Variants in RASA2 observed in about 807,000 individuals in gnomAD.
RASA2 encodes the protein ras GTPase-activating protein 2.
A neutral mutation model predicts 118.2 loss-of-function variants in RASA2; 155 were observed. The ratio of observed to expected loss-of-function variants is 1.31; its 90% CI spans 1.15 to 1.50. The LOEUF is 1.50. Among genes scored for constraint, RASA2 ranks in the 40% most tolerant of loss-of-function variants. The pLI is 0.00. For synonymous variants in RASA2, 353 were observed against 349.1 expected, an observed-to-expected ratio of 1.01 and a Z score of -0.12; for missense variants, 1,016 against 1,009.6, an observed-to-expected ratio of 1.01 and a Z score of -0.09.
At position 141,586,168 on chromosome 3, in the gene RASA2, G is replaced by A. The variant is rs2107776331; in HGVS notation, c.1826+70G>A. ...TATTAAGTAAGTACAAAGAGCGTGG[G>A]TCTAAGAGTGAGGAGATCTGGCTTT... On this transcript the variant is annotated intron_variant, in intron 18 of 23. Transcript: ENST00000286364. 2.2e-6 allele frequency: 3 copies of A among 1,375,258 alleles called. No individual in the cohort carries two copies. In the South Asian group the frequency reaches 3.9e-5, roughly 18 times the overall value. The allele number at this position is 1,375,258 out of a possible 1,614,324, so 85.2% of individuals were successfully genotyped here.
intron 5 of RASA2, among the ~76,000 whole-genome samples, chr3:141,541,623 C>T (rs1336676255): frequency 6.6e-6 from 1 of 151,974 alleles, no homozygotes; most frequent in East Asian, 1.9e-4. Flanking sequence ...TTTTAATCTG[C>T]AGTTATTATA....
rs77104165 is a variant in RASA2 at position 141,546,595 on chromosome 3, G to A, written c.527+5986G>A. On this transcript the variant is annotated intron_variant, in intron 5 of 23. Transcript: ENST00000286364. Reference sequence around the variant, plus strand: ...CCTTACATATTCTGGTTATTAATCCGTTCTCAGATGGTTAGTTAGCAAATA... The same window carrying A: ...CCTTACATATTCTGGTTATTAATCCATTCTCAGATGGTTAGTTAGCAAATA... Among the ~76,000 whole-genome samples the A allele has an allele frequency of 3.3e-3, 508 of 152,186 alleles. 6 individuals carry two copies. The South Asian group carries it at 0.049, about 15-fold the overall frequency.
At chr3:141,526,951 T>C (rs1482533368) in intron 3 of RASA2, among the ~76,000 whole-genome samples, 1 of 152,192 alleles carries the variant, frequency 6.6e-6, no homozygotes, top group Non-Finnish European at 1.5e-5. Context: ...GATTCTCTTT[T>C]GGGAAGGCAC....
chr3:141,568,595 A>G (rs1321085954), intron 9 of RASA2, among the ~76,000 whole-genome samples: 1 of 152,042 alleles, frequency 6.6e-6, no homozygotes, highest in African/African-American at 2.4e-5. Flanking sequence ...ATCGTTATCT[A>G]TTTGTCTATG....
chr3:141,580,069 G>GAAA lies in RASA2; in HGVS notation c.1591-284_1591-282dup, dbSNP rs1165547118. ...AGACTCCATCTCAGGAAAAAAAAAA[G>GAAA]AAAAAAAAAAAAAAAAATATATATA... is the stretch of plus-strand genomic sequence containing the variant. On this transcript the variant is annotated intron_variant, in intron 15 of 23. Transcript: ENST00000286364. 4.7e-4 allele frequency among the ~76,000 whole-genome samples: 32 copies of GAAA among 67,930 alleles called. 3 individuals carry two copies. Among genetic ancestry groups the GAAA allele is most frequent in the South Asian group, 6.8e-4 (1 of 1,460 alleles). The allele number at this position is 67,930 out of a possible 152,430, so 44.6% of individuals were successfully genotyped here.
intron 3 of RASA2, 91 bp downstream of exon 3, chr3:141,516,522 A>G: frequency 1.1e-5 from 11 of 982,898 alleles, no homozygotes; most frequent in Non-Finnish European, 1.3e-5. Flanking sequence ...GCAGAATAAT[A>G]TATGCTCAAC....
intron 5 of RASA2, among the ~76,000 whole-genome samples, chr3:141,543,067 T>C (rs368745636): frequency 1.9e-4 from 29 of 152,158 alleles, no homozygotes; most frequent in African/African-American, 6.5e-4. Flanking sequence ...AAATATGCCA[T>C]TTTTTGTTTG....
At chr3:141,581,045 T>C in intron 16 of RASA2, 55 bp from the exon 17 acceptor site, 3 of 1,437,042 alleles carry the variant, frequency 2.1e-6, no homozygotes, top group African/African-American at 3.0e-5. Context: ...TACAGTCCAT[T>C]CTATTCTTAA....
chr3:141,509,075 A>G (rs1014681583), intron 1 of RASA2, among the ~76,000 whole-genome samples: 1 of 152,230 alleles, frequency 6.6e-6, no homozygotes, highest in Non-Finnish European at 1.5e-5. Context: ...TAAAGTGCCA[A>G]TTAATCACTA....
In RASA2 at chr3:141,543,876, CT is replaced by C. The variant is rs529631210; in HGVS notation, c.527+3284del. ...TTTTTTCTTTCTTTCTTTCTTTTTT[CT>C]TTTTTTTTTTTTTTTTGATATGGAG... On this transcript the variant is annotated intron_variant, in intron 5 of 23. Coordinates refer to ENST00000286364, the MANE Select transcript of RASA2 (RefSeq NM_006506.5). Among the ~76,000 whole-genome samples, 39 of 117,314 alleles carry C rather than the reference CT, an allele frequency of 3.3e-4. 1 individual carries two copies. The highest frequency in any genetic ancestry group is 1.2e-3 in the East Asian group (5 of 4,138). 77.0% of individuals were successfully genotyped at this position (117,314 alleles called of 152,430 possible). A position where few individuals can be genotyped will look rare whatever the true frequency, so the allele number is the denominator to read the frequency against.
At chr3:141,540,690 T>A (rs1248143484) in intron 5 of RASA2, 81 bp downstream of exon 5, 10 of 1,220,606 alleles carry the variant, frequency 8.2e-6, no homozygotes, top group Non-Finnish European at 1.2e-5. Flanking sequence ...ACTCCTTGTT[T>A]TAACTTCAGA....
chr3:141,507,029 A>G lies in RASA2; in HGVS notation c.134-5134A>G, dbSNP rs142805005. 4.0e-3 allele frequency among the ~76,000 whole-genome samples: 609 copies of G among 152,222 alleles called. 4 individuals carry two copies. Among genetic ancestry groups the G allele is most frequent in the African/African-American group, 0.014 (589 of 41,502 alleles). On this transcript the variant is annotated intron_variant, in intron 1 of 23. Transcript: ENST00000286364. ...AAATTTTATCCAAATGCTACAGAAG[A>G]TGAAGAAATATTTTGTGAAGGTAGA...
intron 1 of RASA2, among the ~76,000 whole-genome samples, chr3:141,497,335 G>A (rs1214496572): frequency 1.4e-5 from 2 of 146,668 alleles, no homozygotes; most frequent in Non-Finnish European, 3.0e-5. Context: ...AAAAAAAAAA[G>A]AGCGAGTTAG....
intron 17 of RASA2, among the ~76,000 whole-genome samples, chr3:141,583,629 A>T (rs558079807): frequency 1.3e-5 from 2 of 152,084 alleles, no homozygotes; most frequent in East Asian, 3.9e-4. Context: ...TGCAAAAGGA[A>T]CTCTGTTCTT....
intron 5 of RASA2, among the ~76,000 whole-genome samples, chr3:141,541,241 C>T (rs1442718332): frequency 6.6e-6 from 1 of 152,162 alleles, no homozygotes; most frequent in African/African-American, 2.4e-5. Context: ...ACAGCAGTTT[C>T]ACAGCCTTCT....
chr3:141,520,164 C>T (rs113346445), intron 3 of RASA2, among the ~76,000 whole-genome samples: 3,349 of 151,942 alleles, frequency 0.022, 129 homozygotes, highest in African/African-American at 0.076. Flanking sequence ...AGGCATGCAA[C>T]ACCACACCCA....
intron 4 of RASA2, among the ~76,000 whole-genome samples, chr3:141,530,333 T>G (rs2082243070): frequency 6.6e-6 from 1 of 152,146 alleles, no homozygotes; most frequent in Admixed American, 6.6e-5. Flanking sequence ...AATCTTTTTC[T>G]TTTTTCCAAA....
intron 3 of RASA2, among the ~76,000 whole-genome samples, chr3:141,517,937 C>T (rs1462841222): frequency 6.6e-6 from 1 of 151,912 alleles, no homozygotes; most frequent in Non-Finnish European, 1.5e-5. Context: ...TTACAGGCGT[C>T]AGCCACTGCT....
At chr3:141,577,546 TAAGA>T (rs1195275263) in intron 15 of RASA2, among the ~76,000 whole-genome samples, 2 of 152,282 alleles carry the variant, frequency 1.3e-5, no homozygotes, top group East Asian at 1.9e-4. Context: ...GGCTCTTCTC[TAAGA>T]AAGAAGGCTA....
Sources: allele counts gnomAD v4.1 joint callset (sites outside exome capture counted in the v4.1 genomes callset), GRCh38; gene constraint gnomAD v4.1.1; transcripts MANE v1.5; gene names NCBI Gene and HGNC (gene_info 2026-07-23, HGNC 2026-07-21).